TMEM9: variants seen among roughly 807,000 people sequenced by gnomAD.
TMEM9 encodes transmembrane protein 9, also known as proton-transporting V-type ATPase complex assembly regulator TMEM9.
In TMEM9, 13 loss-of-function variants were observed where a neutral mutation model predicts 22.8. The ratio of observed to expected loss-of-function variants is 0.57; its 90% CI spans 0.37 to 0.91. The LOEUF is 0.91. TMEM9 is among the 40% of genes least tolerant of loss of function. TMEM9 has a pLI of 0.01. For missense variants in TMEM9, 182 were observed against 238.1 expected (o/e 0.76, Z 1.55); for synonymous variants, 88 against 93.0 (o/e 0.95, Z 0.31).
intron 1 of TMEM9, among the ~76,000 whole-genome samples, chr1:201,169,104 T>A (rs1203349015): frequency 2.6e-5 from 4 of 151,794 alleles, no homozygotes; most frequent in Non-Finnish European, 5.9e-5. Flanking sequence ...AGAGAGCACA[T>A]GCTTAGAAAA....
intron 2 of TMEM9, among the ~76,000 whole-genome samples, chr1:201,147,577 C>T (rs150044567): frequency 7.2e-5 from 11 of 152,334 alleles, no homozygotes; most frequent in African/African-American, 2.4e-4. Flanking sequence ...CCAGCCTCCG[C>T]GCTGCCCTCC....
intron 3 of TMEM9, 156 bp from the exon 4 acceptor site, chr1:201,144,107 T>G: frequency 1.3e-6 from 1 of 743,180 alleles, no homozygotes; most frequent in Non-Finnish European, 2.2e-6. Flanking sequence ...AGGGAAAGCA[T>G]GCCCAGAAAG....
chr1:201,144,799 CTGAT>C (rs1209065306), intron 3 of TMEM9: 1 of 152,174 alleles, frequency 6.6e-6, no homozygotes, highest in East Asian at 1.9e-4. Flanking sequence ...CTGTAATCAT[CTGAT>C]TGAGAACTGC....
intron 4 of TMEM9, among the ~76,000 whole-genome samples, chr1:201,139,876 G>A (rs879461585): frequency 8.4e-5 from 12 of 143,632 alleles, no homozygotes; most frequent in African/African-American, 1.5e-4. Context: ...GGCAGGGCTC[G>A]GCCCCTCCCA....
chr1:201,162,574 G>A (rs1665973457), intron 1 of TMEM9, among the ~76,000 whole-genome samples: 2 of 148,902 alleles, frequency 1.3e-5, no homozygotes, highest in Admixed American at 1.3e-4. Flanking sequence ...CTCATACCTT[G>A]TAAAAAATAT....
chr1:201,158,144 G>A (rs985453037), upstream of TMEM9, among the ~76,000 whole-genome samples: 1 of 152,284 alleles, frequency 6.6e-6, no homozygotes, highest in South Asian at 2.1e-4. Flanking sequence ...GGGCCACCAG[G>A]CAAGGACTGT....
At chr1:201,152,300 A>T (rs945070897) in intron 1 of TMEM9, among the ~76,000 whole-genome samples, 1 of 152,206 alleles carries the variant, frequency 6.6e-6, no homozygotes, top group African/African-American at 2.4e-5. Flanking sequence ...GGAAACATAA[A>T]GGGCGAGGGT....
chr1:201,157,833 G>C (rs1665841748), upstream of TMEM9, among the ~76,000 whole-genome samples: 1 of 152,216 alleles, frequency 6.6e-6, no homozygotes, highest in Non-Finnish European at 1.5e-5. Flanking sequence ...AGGGGGCTTT[G>C]AGGGCAGTGA....
intron 3 of TMEM9, 169 bp downstream of exon 3, chr1:201,146,571 G>A (rs975411776): frequency 2.8e-6 from 2 of 726,686 alleles, no homozygotes; most frequent in Non-Finnish European, 5.0e-6. Context: ...GCTGGCTCCA[G>A]GAAGGTGTGG....
intron 1 of TMEM9, 171 bp downstream of exon 1, chr1:201,153,687 T>C: frequency 4.0e-6 from 6 of 1,507,194 alleles, no homozygotes; most frequent in Non-Finnish European, 4.5e-6. Flanking sequence ...CGCACTATCC[T>C]TAGGGAGGCC....
intron 1 of TMEM9, among the ~76,000 whole-genome samples, chr1:201,162,872 A>T (rs1190089928): frequency 6.7e-6 from 1 of 148,672 alleles, no homozygotes; most frequent in Non-Finnish European, 1.5e-5. Flanking sequence ...ACTCAACAGT[A>T]AAAAAAAAAT....
chr1:201,159,275 C>A (rs1665881985), upstream of TMEM9, among the ~76,000 whole-genome samples: 1 of 152,170 alleles, frequency 6.6e-6, no homozygotes, highest in African/African-American at 2.4e-5. Flanking sequence ...AGGTGCCTGA[C>A]GATGTCCTTA....
intron 1 of TMEM9, among the ~76,000 whole-genome samples, chr1:201,153,045 A>T (rs1665553612): frequency 6.6e-6 from 1 of 152,232 alleles, no homozygotes; most frequent in Admixed American, 6.5e-5. Flanking sequence ...CTAAAAAAAT[A>T]CTGTGCACAG....
At chr1:201,150,442 T>G (rs984354048) in intron 2 of TMEM9, among the ~76,000 whole-genome samples, 1 of 152,206 alleles carries the variant, frequency 6.6e-6, no homozygotes, top group Non-Finnish European at 1.5e-5. Context: ...GTTACTGACC[T>G]GTGCACATAC....
At chr1:201,140,301 C>T (rs1664407412) in intron 4 of TMEM9, among the ~76,000 whole-genome samples, 1 of 152,242 alleles carries the variant, frequency 6.6e-6, no homozygotes, top group African/African-American at 2.4e-5. Flanking sequence ...TCAGAGAAAC[C>T]ATGTGTCTCT....
Position 201,146,791 on chromosome 1 carries a change from G to T in TMEM9, c.216C>A (p.Tyr72Ter). The T allele has an allele frequency of 6.2e-7, 1 of 1,614,252 alleles. No homozygotes were observed. Among genetic ancestry groups the T allele is most frequent in the East Asian group, 2.2e-5 (1 of 44,890 alleles). The change falls in exon 3 of 5, where the codon TAC becomes TAA. Residue 72 changes from tyrosine (Y) to a stop codon, truncating the protein, a stop_gained. Coordinates refer to ENST00000367330, the MANE Select transcript of TMEM9 (RefSeq NM_001288565.2). LOFTEE classifies it high-confidence loss of function. ...MPVPGHDVEA[Y>*]CLLCECRYEE... ...CGTACCTGCACTCGCACAGCAGGCA[G>T]TAGGCCTCCACGTCATGGCCAGGCA...
chr1:201,168,676 A>G (rs1666139643), intron 1 of TMEM9, among the ~76,000 whole-genome samples: 1 of 152,234 alleles, frequency 6.6e-6, no homozygotes, highest in Non-Finnish European at 1.5e-5. Flanking sequence ...TTGATATTGC[A>G]CCACTGTACT....
In TMEM9 at chr1:201,135,488, C is replaced by T; in HGVS notation, c.*175G>A. On this transcript the variant is annotated 3_prime_UTR_variant, in exon 5 of 5. Coordinates refer to ENST00000367330, the MANE Select transcript of TMEM9 (RefSeq NM_001288565.2). ...AGATCAGAGACCACATCCCTCTTCC[C>T]TAATCAAAATAGCCAAGTACAACAT... is the stretch of plus-strand genomic sequence containing the variant. 3 of 629,656 alleles carry T rather than the reference C, an allele frequency of 4.8e-6. No individual in the cohort carries two copies. Among genetic ancestry groups the T allele is most frequent in the Admixed American group, 7.4e-5 (2 of 27,026 alleles). The allele number at this position is 629,656 out of a possible 1,614,324, so 39.0% of individuals were successfully genotyped here. A position where few individuals can be genotyped will look rare whatever the true frequency, so the allele number is the denominator to read the frequency against.
At chr1:201,151,891 G>C in intron 1 of TMEM9, 39 bp from the exon 2 acceptor site, 1 of 1,546,532 alleles carries the variant, frequency 6.5e-7, no homozygotes, top group Non-Finnish European at 8.9e-7. Flanking sequence ...CAGAGACCCT[G>C]CCTGGGGTTC....
Sources: gnomAD v4.1 joint callset for allele counts (sites outside exome capture counted in the v4.1 genomes callset) on GRCh38, gnomAD v4.1.1 for gene constraint, MANE v1.5 for transcripts, NCBI Gene and HGNC (gene_info 2026-07-23, HGNC 2026-07-21) for gene names.